PHACTR3: variants seen among roughly 807,000 people sequenced by gnomAD.
PHACTR3 encodes the protein protein phosphatase 1, regulatory subunit 123.
PHACTR3 carries 16 observed loss-of-function variants against 66.8 expected under a neutral mutation model. The ratio of observed to expected loss-of-function variants is 0.24; its 90% CI spans 0.16 to 0.36. The LOEUF (loss-of-function observed/expected upper bound fraction) is 0.36, where lower values mean the gene tolerates loss of function less well. Among genes scored for constraint, PHACTR3 ranks in the 10% least tolerant of loss-of-function variants. The probability of loss-of-function intolerance (pLI) is 1.00; values close to 1 mark genes in which losing one functional copy is unlikely to be tolerated. For synonymous variants in PHACTR3, 323 were observed against 292.1 expected, an observed-to-expected ratio of 1.11 and a Z score of -1.08; for missense variants, 647 against 719.9, an observed-to-expected ratio of 0.90 and a Z score of 1.16.
intron 1 of PHACTR3, among the ~76,000 whole-genome samples, chr20:59,727,380 T>C (rs2038605591): frequency 6.6e-6 from 1 of 152,150 alleles, no homozygotes; most frequent in African/African-American, 2.4e-5. Flanking sequence ...TAGGTCATAC[T>C]TTCTGCCTGA....
intron 4 of PHACTR3, among the ~76,000 whole-genome samples, chr20:59,756,526 G>A (rs1046733941): frequency 6.6e-6 from 1 of 152,182 alleles, no homozygotes; most frequent in Non-Finnish European, 1.5e-5. Context: ...CCTCTTCGGG[G>A]GTGGCCGTGT....
chr20:59,622,981 C>CAAAAAAAAAAACAAAAAAAAAA (rs2034300974), intron 1 of PHACTR3, among the ~76,000 whole-genome samples: 1 of 32,224 alleles, frequency 3.1e-5, no homozygotes. Flanking sequence ...CAGCTTTAAC[C>CAAAAAAAAAAACAAAAAAAAAA]AAAAAAAAAA....
At chr20:59,677,933 T>A (rs191523837) in intron 1 of PHACTR3, among the ~76,000 whole-genome samples, 1 of 152,328 alleles carries the variant, frequency 6.6e-6, no homozygotes, top group African/African-American at 2.4e-5. Flanking sequence ...ATTTCGGTTG[T>A]CACCTAGGTG....
intron 1 of PHACTR3, among the ~76,000 whole-genome samples, chr20:59,737,316 G>A (rs1028998937): frequency 6.6e-6 from 1 of 152,106 alleles, no homozygotes; most frequent in Admixed American, 6.5e-5. Flanking sequence ...TGGGGATCCT[G>A]GTTCAGGGCT....
At chr20:59,737,617 A>G (rs1027198780) in intron 1 of PHACTR3, among the ~76,000 whole-genome samples, 1 of 151,974 alleles carries the variant, frequency 6.6e-6, no homozygotes, top group Non-Finnish European at 1.5e-5. Flanking sequence ...TGTGATGAGA[A>G]AAATAAAGAG....
At chr20:59,583,622 A>C (rs2032925627) in intron 1 of PHACTR3, among the ~76,000 whole-genome samples, 1 of 152,160 alleles carries the variant, frequency 6.6e-6, no homozygotes, top group African/African-American at 2.4e-5. Flanking sequence ...GCTTTCCCGG[A>C]ACCCTCCTCT....
At chr20:59,583,111 T>A (rs2032909968) in intron 1 of PHACTR3, among the ~76,000 whole-genome samples, 1 of 152,198 alleles carries the variant, frequency 6.6e-6, no homozygotes, top group South Asian at 2.1e-4. Context: ...TCCCTCTGCG[T>A]CTCCTTTTGA....
chr20:59,672,524 G>A (rs185996793), intron 1 of PHACTR3, among the ~76,000 whole-genome samples: 1 of 152,306 alleles, frequency 6.6e-6, no homozygotes, highest in East Asian at 1.9e-4. Flanking sequence ...GACTATGGGT[G>A]GGTCGTATGT....
chr20:59,661,822 C>T (rs1162280500), intron 1 of PHACTR3, among the ~76,000 whole-genome samples: 2 of 151,950 alleles, frequency 1.3e-5, no homozygotes, highest in East Asian at 1.9e-4. Flanking sequence ...TCTGTGTGCA[C>T]GACTGGCTTC....
intron 1 of PHACTR3, among the ~76,000 whole-genome samples, chr20:59,713,865 A>G (rs1601167127): frequency 6.6e-6 from 1 of 152,110 alleles, no homozygotes; most frequent in East Asian, 1.9e-4. Context: ...CAACTCCCAC[A>G]GCAGCATGGA....
intron 7 of PHACTR3, among the ~76,000 whole-genome samples, chr20:59,788,689 T>C (rs1012326983): frequency 1.3e-5 from 2 of 152,158 alleles, no homozygotes; most frequent in Non-Finnish European, 1.5e-5. Flanking sequence ...CACATGTCCA[T>C]TTGTCCACTG....
intron 8 of PHACTR3, among the ~76,000 whole-genome samples, chr20:59,806,964 C>A (rs1304446033): frequency 6.6e-6 from 1 of 152,134 alleles, no homozygotes; most frequent in South Asian, 2.1e-4. Context: ...AAAATGTCAC[C>A]TCTGTATAGA....
rs749421962 is a variant in PHACTR3 at position 59,755,239 on chromosome 20, C to T, written c.416C>T (p.Pro139Leu). Residue 139 changes from proline to leucine, a missense_variant, in exon 4 of 13, where the codon CCA (proline) becomes CTA (leucine). By Grantham distance (98) the Pro-to-Leu change is moderately conservative (BLOSUM62 -3). Coordinates refer to ENST00000371015, the MANE Select transcript of PHACTR3 (RefSeq NM_080672.5). Reference sequence around the variant, plus strand: ...GGACCCCGATCTGTACAGAGTGAACCACCCACTCCCAAGTCGGAGACGCTG... The same window carrying T: ...GGACCCCGATCTGTACAGAGTGAACTACCCACTCCCAAGTCGGAGACGCTG... ...DGGPRSVQSE[P>L]PTPKSETLTS... 3 of 1,613,968 alleles carry T rather than the reference C, an allele frequency of 1.9e-6. No homozygotes were observed. Among genetic ancestry groups the T allele is most frequent in the Non-Finnish European group, 2.5e-6 (3 of 1,180,040 alleles).
At chr20:59,743,993 G>T (rs560703823) in intron 2 of PHACTR3, among the ~76,000 whole-genome samples, 1 of 152,184 alleles carries the variant, frequency 6.6e-6, no homozygotes, top group African/African-American at 2.4e-5. Flanking sequence ...CGTTGCCCCC[G>T]CCTCCTCGGA....
At chr20:59,743,378 C>T in intron 2 of PHACTR3, 110 bp downstream of exon 2, 1 of 1,376,540 alleles carries the variant, frequency 7.3e-7, no homozygotes, top group Non-Finnish European at 9.9e-7. Context: ...ACAGGAGGGG[C>T]AGATGTGCTT....
At chr20:59,726,446 C>T (rs1396513378) in intron 1 of PHACTR3, among the ~76,000 whole-genome samples, 1 of 152,160 alleles carries the variant, frequency 6.6e-6, no homozygotes, top group African/African-American at 2.4e-5. Flanking sequence ...GCCTCCTCGC[C>T]ACCAGGTCAA....
chr20:59,577,693 G>C (rs1038487165), intron 1 of PHACTR3: 2 of 986,030 alleles, frequency 2.0e-6, no homozygotes, highest in Non-Finnish European at 2.5e-6. Context: ...GCTGGGGGAC[G>C]ACTCCTCCTG....
intron 1 of PHACTR3, among the ~76,000 whole-genome samples, chr20:59,595,902 A>AT (rs917744623): frequency 2.6e-5 from 4 of 151,814 alleles, no homozygotes; most frequent in African/African-American, 9.7e-5. Flanking sequence ...CTTTACTTTT[A>AT]TTTTTTTACT....
chr20:59,734,483 C>T (rs2038875450), intron 1 of PHACTR3, among the ~76,000 whole-genome samples: 1 of 152,158 alleles, frequency 6.6e-6, no homozygotes, highest in African/African-American at 2.4e-5. Flanking sequence ...GGCTTGAACT[C>T]ATGCCCTCAA....
Sources: gnomAD v4.1 joint callset for allele counts (sites outside exome capture counted in the v4.1 genomes callset) on GRCh38, gnomAD v4.1.1 for gene constraint, MANE v1.5 for transcripts, NCBI Gene and HGNC (gene_info 2026-07-23, HGNC 2026-07-21) for gene names.